UGT1A6: variants seen among roughly 807,000 people sequenced by gnomAD.
UGT1A6 encodes the protein UDP-glucuronosyltransferase 1A6.
In UGT1A6, 32 loss-of-function variants were observed where a neutral mutation model predicts 44.4. That is an observed-to-expected ratio of 0.72 (90% CI 0.54 to 0.97). The LOEUF is 0.97. Ranked by LOEUF, UGT1A6 falls within the 50% of genes least tolerant of loss-of-function variation. The pLI is 0.00. For synonymous variants in UGT1A6, 238 were observed against 248.5 expected, an observed-to-expected ratio of 0.96 and a Z score of 0.40; for missense variants, 685 against 661.9, an observed-to-expected ratio of 1.03 and a Z score of -0.38.
chr2:233,770,941 G>T (rs1295256111), intron 4 of UGT1A6: 1 of 152,168 alleles, frequency 6.6e-6, no homozygotes, highest in African/African-American at 2.4e-5. Flanking sequence ...GGCTGCCGGG[G>T]GAACCTCAGG....
In UGT1A6 at chr2:233,693,578, A is replaced by G. The variant is rs754174364; in HGVS notation, c.574A>G (p.Ile192Val). The change falls in exon 1 of 5, where the codon ATT becomes GTT. Residue 192 changes from isoleucine (I) to valine (V), a missense_variant. Coordinates refer to ENST00000305139, the MANE Select transcript of UGT1A6 (RefSeq NM_001072.4). ...CAGAAGCCCAGACCCTGTGTCCTAC[A>G]TTCCCAGGTGCTACACAAAGTTTTC... ...FSRSPDPVSY[I>V]PRCYTKFSDH... 1.2e-5 allele frequency: 19 copies of G among 1,614,074 alleles called. 1 individual carries two copies. The highest frequency in any genetic ancestry group is 3.3e-4 in the Middle Eastern group (2 of 6,084).
At chr2:233,747,502 C>A in intron 1 of UGT1A6, 1 of 1,608,242 alleles carries the variant, frequency 6.2e-7, no homozygotes, top group Non-Finnish European at 8.5e-7. Context: ...CTGGGCCACA[C>A]TCAACTGTAC....
chr2:233,746,172 C>A (rs766361306), intron 1 of UGT1A6, among the ~76,000 whole-genome samples: 1 of 151,822 alleles, frequency 6.6e-6, no homozygotes, highest in Non-Finnish European at 1.5e-5. Flanking sequence ...AAAATCTTGC[C>A]TGTAAGGAAT....
At chr2:233,730,000 A>T (rs569428615) in intron 1 of UGT1A6, 15 of 1,614,004 alleles carry the variant, frequency 9.3e-6, no homozygotes, top group Non-Finnish European at 1.1e-5. Flanking sequence ...TCAGGTCTGT[A>T]TTGGTGCCTT....
chr2:233,725,566 C>A (rs559123427), intron 1 of UGT1A6, among the ~76,000 whole-genome samples: 1 of 152,004 alleles, frequency 6.6e-6, no homozygotes, highest in East Asian at 1.9e-4. Flanking sequence ...AACATATATT[C>A]GATATAAGAT....
chr2:233,709,798 C>A (rs2076093019), intron 1 of UGT1A6, among the ~76,000 whole-genome samples: 1 of 152,132 alleles, frequency 6.6e-6, no homozygotes, highest in African/African-American at 2.4e-5. Context: ...TTTAATGATA[C>A]ATTTCTGAGT....
chr2:233,760,923 C>G, intron 1 of UGT1A6: 1 of 1,614,214 alleles, frequency 6.2e-7, no homozygotes, highest in Non-Finnish European at 8.5e-7. Flanking sequence ...GGGTGAAGAA[C>G]ATGCTCATTG....
chr2:233,771,091 C>CAGG (rs1700235837), intron 4 of UGT1A6: 1 of 152,122 alleles, frequency 6.6e-6, no homozygotes, highest in African/African-American at 2.4e-5. Flanking sequence ...AACTCACTAT[C>CAGG]AGGAAGACAG....
chr2:233,747,249 G>T, intron 1 of UGT1A6: 1 of 1,600,822 alleles, frequency 6.2e-7, no homozygotes, highest in Non-Finnish European at 8.5e-7. Context: ...TGCTGTGGCT[G>T]GCCACAGGAG....
intron 1 of UGT1A6, chr2:233,708,512 G>A (rs1388620371): frequency 6.6e-6 from 1 of 152,176 alleles, no homozygotes; most frequent in African/African-American, 2.4e-5. Flanking sequence ...AGCACTTTGC[G>A]GGGCCGAAGC....
At chr2:233,747,400 C>T in intron 1 of UGT1A6, 1 of 1,606,978 alleles carries the variant, frequency 6.2e-7, no homozygotes, top group East Asian at 2.2e-5. Flanking sequence ...GTCCTCACCC[C>T]AGAGGTGAAT....
intron 1 of UGT1A6, among the ~76,000 whole-genome samples, chr2:233,744,590 G>C (rs1190508519): frequency 6.6e-6 from 1 of 151,850 alleles, no homozygotes; most frequent in Non-Finnish European, 1.5e-5. Flanking sequence ...TACAGTTTTT[G>C]CATCTCTCTT....
intron 1 of UGT1A6, among the ~76,000 whole-genome samples, chr2:233,696,688 T>C (rs2075354948): frequency 6.6e-6 from 1 of 152,230 alleles, no homozygotes; most frequent in Admixed American, 6.5e-5. Context: ...ACAGTCAGCA[T>C]CTTTGTCTTA....
intron 1 of UGT1A6, chr2:233,747,984 C>G: frequency 6.2e-7 from 1 of 1,613,422 alleles, no homozygotes; most frequent in South Asian, 1.1e-5. Context: ...GTGGCTGTTC[C>G]GAGGGGACTT....
At chr2:233,725,486 A>G (rs1390783883) in intron 1 of UGT1A6, among the ~76,000 whole-genome samples, 10 of 152,080 alleles carry the variant, frequency 6.6e-5, no homozygotes, top group Non-Finnish European at 1.0e-4. Context: ...GAAACCAGCA[A>G]AAAGAAACCA....
intron 1 of UGT1A6, among the ~76,000 whole-genome samples, chr2:233,697,405 G>A (rs1009403736): frequency 2.0e-5 from 3 of 151,756 alleles, no homozygotes; most frequent in African/African-American, 7.3e-5. Context: ...TTGTATTTCT[G>A]TGGTGTCAGT....
At chr2:233,713,213 T>C (rs2076292888) in intron 1 of UGT1A6, 1 of 1,614,164 alleles carries the variant, frequency 6.2e-7, no homozygotes, top group Non-Finnish European at 8.5e-7. Context: ...AAGAGAACTT[T>C]TTCACCCTGA....
At chr2:233,738,521 G>C (rs1382621592) in intron 1 of UGT1A6, among the ~76,000 whole-genome samples, 2 of 152,174 alleles carry the variant, frequency 1.3e-5, no homozygotes, top group African/African-American at 2.4e-5. Context: ...TAATGTTGTG[G>C]ACAATGAAGT....
intron 1 of UGT1A6, chr2:233,755,206 C>T (rs1478561208): frequency 9.3e-7 from 1 of 1,072,996 alleles, no homozygotes; most frequent in Non-Finnish European, 1.3e-6. Flanking sequence ...TTGCGGTACG[C>T]CTTCTTGATA....
Sources: gnomAD v4.1 joint callset for allele counts (sites outside exome capture counted in the v4.1 genomes callset) on GRCh38, gnomAD v4.1.1 for gene constraint, MANE v1.5 for transcripts, NCBI Gene and HGNC (gene_info 2026-07-23, HGNC 2026-07-21) for gene names.